Variants in ACAD8 observed in about 807,000 individuals in gnomAD.
The protein encoded by ACAD8 is acyl-CoA dehydrogenase family member 8, also known as isobutyryl-CoA dehydrogenase, mitochondrial.
In ACAD8, 47 loss-of-function variants were observed where a neutral mutation model predicts 53.1. That is an observed-to-expected ratio of 0.89 (90% CI 0.70 to 1.13). ACAD8 has a LOEUF of 1.13. Ranked by LOEUF, ACAD8 falls within the 50% of genes most tolerant of loss-of-function variation. The pLI is 0.00. For missense variants in ACAD8, 494 were observed against 535.0 expected (o/e 0.92, Z 0.76); for synonymous variants, 198 against 201.3 (o/e 0.98, Z 0.14).
intron 10 of ACAD8, chr11:134,263,203 C>T (rs191583950): frequency 1.9e-5 from 19 of 1,017,164 alleles, no homozygotes; most frequent in African/African-American, 6.9e-5. Flanking sequence ...ACAGCCAGTG[C>T]GGAAGTCTTG....
In ACAD8 at chr11:134,259,588, C is replaced by T. The variant is rs374360285; in HGVS notation, c.568-20C>T. 8 of 1,613,898 alleles carry T rather than the reference C, an allele frequency of 5.0e-6. No homozygotes were observed. Among genetic ancestry groups the T allele is most frequent in the African/African-American group, 1.3e-5 (1 of 74,912 alleles). On this transcript the variant is annotated intron_variant, in intron 5 of 10. Coordinates refer to ENST00000281182, the MANE Select transcript of ACAD8 (RefSeq NM_014384.3). ...ACTCAAGCATTCCCTGGTCCTTTTG[C>T]ACCCCTTTTACCCCCACAGGCCTTC...
chr11:134,261,352 G>A lies in ACAD8; in HGVS notation c.919G>A (p.Glu307Lys), dbSNP rs754767707. The change falls in exon 8 of 11, where the codon GAG becomes AAG. Residue 307 changes from glutamate (E) to lysine (K), a missense_variant. Coordinates refer to ENST00000281182, the MANE Select transcript of ACAD8 (RefSeq NM_014384.3). The surrounding 1 kb of genome is among the most constrained non-coding windows in gnomAD (Gnocchi z 4.2). ...CCTCAATGTCCGGAAGCAGTTTGGA[G>A]AGCCTCTGGCCAGTAACCAGGTAAC... ...DHLNVRKQFG[E>K]PLASNQYLQF... 4 of 1,614,152 alleles carry A rather than the reference G, an allele frequency of 2.5e-6. No homozygotes were observed. The highest frequency in any genetic ancestry group is 1.7e-5 in the Admixed American group (1 of 60,012).
chr11:134,258,385 C>T lies in ACAD8; in HGVS notation c.381-130C>T, dbSNP rs552267218. 7.1e-6 allele frequency: 5 copies of T among 707,924 alleles called. No individual in the cohort carries two copies. In the East Asian group the frequency reaches 1.4e-4, roughly 19 times the overall value. The allele number at this position is 707,924 out of a possible 1,614,324, so 43.9% of individuals were successfully genotyped here. A position where few individuals can be genotyped will look rare whatever the true frequency, so the allele number is the denominator to read the frequency against. ...CTTTAAAGAGTCTTCCCAATTGTGA[C>T]TCTCCCCTTCCCACTCTTCTGCTTT... On this transcript the variant is annotated intron_variant, in intron 3 of 10. Coordinates refer to ENST00000281182, the MANE Select transcript of ACAD8 (RefSeq NM_014384.3).
In ACAD8 at chr11:134,261,752, A is replaced by G; in HGVS notation, c.954A>G (p.Thr318=). ...CTGTGCTGCAGTACTTGCAATTCAC[A>G]CTGGCTGATATGGCAACAAGGCTGG... ...PLASNQYLQF[T]LADMATRLVA... Residue 318 remains threonine (T), a synonymous_variant, in exon 9 of 11, where the codon ACA becomes ACG. Coordinates refer to ENST00000281182, the MANE Select transcript of ACAD8 (RefSeq NM_014384.3). This position sits in a 1 kb window ranked among gnomAD's most constrained non-coding sequence, Gnocchi z 4.2. The G allele has an allele frequency of 6.2e-7, 1 of 1,613,850 alleles. No homozygotes were observed. The highest frequency in any genetic ancestry group is 8.5e-7 in the Non-Finnish European group (1 of 1,180,028).
chr11:134,260,966 C>T, intron 6 of ACAD8, 78 bp from the exon 7 acceptor site: 1 of 1,555,230 alleles, frequency 6.4e-7, no homozygotes, highest in Non-Finnish European at 8.8e-7. Context: ...ACCCATACCT[C>T]ACAGGCTCCC....
Position 134,259,711 on chromosome 11 carries a change from C to G in ACAD8, c.671C>G (p.Thr224Ser), listed in dbSNP as rs1243281617. ...GISCIVVEKG[T>S]PGLSFGKKEK... ...TCATGCATAGTTGTTGAGAAGGGGA[C>G]CCCTGGCCTCAGCTTTGGCAAGAAG... The change falls in exon 6 of 11, where the codon ACC (threonine) becomes AGC (serine). Residue 224 changes from threonine to serine, a missense_variant. Physicochemically the swap from Thr to Ser is moderately conservative, Grantham distance 58. Coordinates refer to ENST00000281182, the MANE Select transcript of ACAD8 (RefSeq NM_014384.3). 6.2e-7 allele frequency: 1 copy of G among 1,614,180 alleles called. No individual in the cohort carries two copies. Among genetic ancestry groups the G allele is most frequent in the Admixed American group, 1.7e-5 (1 of 60,018 alleles).
chr11:134,256,056 G>A (rs1351613410), intron 1 of ACAD8, among the ~76,000 whole-genome samples: 7 of 152,166 alleles, frequency 4.6e-5, no homozygotes, highest in South Asian at 4.1e-4. Flanking sequence ...ACAGGCATGC[G>A]CCACCACACC....
rs773332878 is a variant in ACAD8, at chr11:134,262,598, T to C, written c.1171T>C (p.Ser391Pro). Residue 391 changes from serine to proline, a missense_variant, in exon 10 of 11, where the codon TCC becomes CCC. Coordinates refer to ENST00000281182, the MANE Select transcript of ACAD8 (RefSeq NM_014384.3). Reference protein sequence around the residue: ...DYAVQQYVRDSRVHQILEGSN... With the variant: ...DYAVQQYVRDPRVHQILEGSN... The stretch of plus-strand genomic sequence containing the variant: ...CGCTGTTCAGCAGTACGTGCGGGAC[T>C]CCAGGGTCCACCAGATTCTAGAAGG... 6.8e-6 allele frequency: 11 copies of C among 1,613,950 alleles called. No homozygotes were observed. In the South Asian group the frequency reaches 1.1e-4, roughly 16 times the overall value.
Position 134,261,427 on chromosome 11 carries a change from C to T in ACAD8, c.939+55C>T. 6.3e-7 allele frequency: 1 copy of T among 1,575,042 alleles called. No homozygotes were observed. The highest frequency in any genetic ancestry group is 8.7e-7 in the Non-Finnish European group (1 of 1,144,704). ...TGCACTATTTGCAGCCCGGGACCTG[C>T]TCTAGGGCCCACATTTCCAGGAGAG... is the stretch of plus-strand genomic sequence containing the variant. On this transcript the variant is annotated intron_variant, in intron 8 of 10. Coordinates refer to ENST00000281182, the MANE Select transcript of ACAD8 (RefSeq NM_014384.3). The surrounding 1 kb of genome is among the most constrained non-coding windows in gnomAD (Gnocchi z 4.2).
In ACAD8 at chr11:134,258,492, TTTC is replaced by T. The variant is rs1939678198; in HGVS notation, c.381-17_381-15del. On this transcript the variant is annotated intron_variant, in intron 3 of 10. Transcript: ENST00000281182. ...TCCATCTTTATTTCTGTCATTGTCTTTTCTTCTTGGTGTACCTATCAGCATGTG... is the reference window on the plus strand; with the variant it reads ...TCCATCTTTATTTCTGTCATTGTCTTTTCTTGGTGTACCTATCAGCATGTG... 1.3e-6 allele frequency: 2 copies of T among 1,544,832 alleles called. No individual in the cohort carries two copies. Among genetic ancestry groups the T allele is most frequent in the South Asian group, 1.1e-5 (1 of 89,074 alleles).
intron 5 of ACAD8, 190 bp from the exon 6 acceptor site, chr11:134,259,418 T>G (rs1232364319): frequency 1.7e-6 from 1 of 582,672 alleles, no homozygotes; most frequent in Non-Finnish European, 3.0e-6. Flanking sequence ...TTATTGTCAG[T>G]CTCTGTGCCA....
chr11:134,264,404 G>C (rs1940074934), intron 10 of ACAD8, among the ~76,000 whole-genome samples: 1 of 152,152 alleles, frequency 6.6e-6, no homozygotes, highest in Non-Finnish European at 1.5e-5. Context: ...TGTGGTCCCA[G>C]CTACTCAGGA....
At chr11:134,259,456 A>G (rs1181763145) in intron 5 of ACAD8, 152 bp from the exon 6 acceptor site, 3 of 593,912 alleles carry the variant, frequency 5.1e-6, no homozygotes, top group Non-Finnish European at 8.7e-6. Flanking sequence ...TCTCTGTGCC[A>G]TTGGACCTTA....
chr11:134,259,112 T>C (rs1245499440), intron 5 of ACAD8, 28 bp downstream of exon 5: 3 of 1,602,482 alleles, frequency 1.9e-6, no homozygotes, highest in Admixed American at 3.3e-5. Context: ...CCCAGAGCAC[T>C]TTGGAGATTG....
chr11:134,258,417 C>T (rs1939670882), intron 3 of ACAD8, 98 bp from the exon 4 acceptor site: 1 of 811,682 alleles, frequency 1.2e-6, no homozygotes, highest in South Asian at 1.4e-5. Flanking sequence ...CTTTACTCCA[C>T]TGCCCTGCCC....
At chr11:134,259,412 T>G (rs1465415159) in intron 5 of ACAD8, 196 bp from the exon 6 acceptor site, 1 of 587,890 alleles carries the variant, frequency 1.7e-6, no homozygotes, top group Non-Finnish European at 3.0e-6. Flanking sequence ...TGGACCTTAT[T>G]GTCAGTCTCT....
chr11:134,262,717 G>T, intron 10 of ACAD8, 95 bp downstream of exon 10: 1 of 1,520,746 alleles, frequency 6.6e-7, no homozygotes. Context: ...GGGCCTCAGG[G>T]TGCAGTCAAG....
chr11:134,259,787 T>A, intron 6 of ACAD8, 42 bp downstream of exon 6: 2 of 1,613,984 alleles, frequency 1.2e-6, no homozygotes, highest in Non-Finnish European at 1.7e-6. Flanking sequence ...GTTATGAGAC[T>A]CTGCCACCTG....
At position 134,257,274 on chromosome 11, in the gene ACAD8, G is replaced by C. The variant is rs201079276; in HGVS notation, c.380+17G>C. On this transcript the variant is annotated intron_variant, in intron 3 of 10. Transcript: ENST00000281182. ...CATCCACAAGTGAGTGCCCAAGCTTGGAAGGCACAATGAAGTGCTCACTCG... is the reference window on the plus strand; with the variant it reads ...CATCCACAAGTGAGTGCCCAAGCTTCGAAGGCACAATGAAGTGCTCACTCG... The C allele has an allele frequency of 1.2e-6, 2 of 1,613,876 alleles. No individual in the cohort carries two copies. The highest frequency in any genetic ancestry group is 2.7e-5 in the African/African-American group (2 of 74,932).
Sources: allele counts gnomAD v4.1 joint callset (sites outside exome capture counted in the v4.1 genomes callset), GRCh38; gene constraint gnomAD v4.1.1; non-coding constraint Gnocchi (gnomAD v3.1); transcripts MANE v1.5; gene names NCBI Gene and HGNC (gene_info 2026-07-23, HGNC 2026-07-21).